The following ACAD11 variants were observed in gnomAD, a reference collection of about 807,000 sequenced individuals.
The protein encoded by ACAD11 is acyl-CoA dehydrogenase family member 11.
A neutral mutation model predicts 102.2 loss-of-function variants in ACAD11; 83 were observed. That is an observed-to-expected ratio of 0.81 (90% CI 0.68 to 0.97). The LOEUF (loss-of-function observed/expected upper bound fraction) is 0.97, where lower values mean the gene tolerates loss of function less well. Among genes scored for constraint, ACAD11 ranks in the 50% least tolerant of loss-of-function variants. ACAD11 has a pLI of 0.00. For synonymous variants in ACAD11, 324 were observed against 319.8 expected, an observed-to-expected ratio of 1.01 and a Z score of -0.14; for missense variants, 901 against 951.7, an observed-to-expected ratio of 0.95 and a Z score of 0.70.
At position 132,570,493 on chromosome 3, in the gene ACAD11, G is replaced by A. The variant is rs541843731; in HGVS notation, c.2001+5279C>T. ...ATTTTATTTTATTTTTTTTCTGATG[G>A]TAATCATATCTTTTTTATTTACTTT... is the stretch of plus-strand genomic sequence containing the variant. On this transcript the variant is annotated intron_variant, in intron 17 of 19. Transcript: ENST00000264990. Among the ~76,000 whole-genome samples, 212 of 151,954 alleles carry A rather than the reference G, an allele frequency of 1.4e-3. 1 individual carries two copies. Among genetic ancestry groups the A allele is most frequent in the African/African-American group, 5.0e-3 (206 of 41,462 alleles).
intron 13 of ACAD11, among the ~76,000 whole-genome samples, chr3:132,594,305 A>G (rs1459149941): frequency 6.6e-6 from 1 of 152,184 alleles, no homozygotes; most frequent in Non-Finnish European, 1.5e-5. Flanking sequence ...AAATAAAGGA[A>G]AGGGATAGAT....
intron 5 of ACAD11, among the ~76,000 whole-genome samples, chr3:132,638,000 T>C (rs1053004392): frequency 7.2e-5 from 11 of 152,190 alleles, no homozygotes; most frequent in Admixed American, 7.2e-4. Flanking sequence ...AACCACTGTT[T>C]AGGTTTTCGT....
chr3:132,628,765 C>T (rs1017233785), intron 7 of ACAD11, among the ~76,000 whole-genome samples: 5 of 152,116 alleles, frequency 3.3e-5, no homozygotes, highest in African/African-American at 1.2e-4. Context: ...TACCCTCCTT[C>T]ATAATGGGGG....
intron 18 of ACAD11, among the ~76,000 whole-genome samples, 179 bp from the exon 19 acceptor site, chr3:132,560,121 T>C (rs1372111495): frequency 1.3e-5 from 2 of 152,152 alleles, no homozygotes; most frequent in African/African-American, 4.8e-5. Context: ...ACAGACCCTC[T>C]GGAAAGAGAC....
chr3:132,645,970 ATTGCAACGAATCTTTT>A (rs1940700504), intron 1 of ACAD11: 1 of 150,350 alleles, frequency 6.7e-6, no homozygotes, highest in South Asian at 2.1e-4. Flanking sequence ...CAAACCATCA[ATTGCAACGAATCTTTT>A]TTTTTTTTTT....
intron 17 of ACAD11, among the ~76,000 whole-genome samples, chr3:132,566,296 C>CAAAAAAAAAAAAAAAAAAAAAAAAAAA (rs371477145): frequency 1.6e-5 from 1 of 61,886 alleles, no homozygotes; most frequent in Admixed American, 1.8e-4. Flanking sequence ...AAAACAAACT[C>CAAAAAAAAAAAAAAAAAAAAAAAAAAA]AAAAAAACAA....
chr3:132,639,441 T>C (rs1940398454), intron 5 of ACAD11, 51 bp downstream of exon 5: 2 of 1,563,488 alleles, frequency 1.3e-6, no homozygotes, highest in African/African-American at 2.7e-5. Flanking sequence ...TACTTAGTAC[T>C]GTGTCACAAA....
intron 6 of ACAD11, 119 bp downstream of exon 6, chr3:132,631,222 T>C: frequency 2.0e-6 from 1 of 500,216 alleles, no homozygotes; most frequent in East Asian, 3.7e-5. Flanking sequence ...CATAATAAAA[T>C]AGAAATGTTT....
intron 13 of ACAD11, among the ~76,000 whole-genome samples, chr3:132,585,078 T>A (rs1397147816): frequency 6.6e-6 from 1 of 152,160 alleles, no homozygotes; most frequent in Non-Finnish European, 1.5e-5. Context: ...GGCATCACGC[T>A]ACCTGACTTC....
chr3:132,639,941 T>A (rs1211354504), intron 4 of ACAD11, among the ~76,000 whole-genome samples: 1 of 151,496 alleles, frequency 6.6e-6, no homozygotes, highest in Non-Finnish European at 1.5e-5. Flanking sequence ...GCAACTACTT[T>A]GTAGAAGAAA....
chr3:132,571,121 T>G (rs1937363055), intron 17 of ACAD11, among the ~76,000 whole-genome samples: 1 of 152,158 alleles, frequency 6.6e-6, no homozygotes, highest in African/African-American at 2.4e-5. Flanking sequence ...CCACCAACAG[T>G]GTATAAGCCT....
chr3:132,619,645 GA>G, intron 9 of ACAD11, 100 bp from the exon 10 acceptor site: 1 of 607,488 alleles, frequency 1.6e-6, no homozygotes. Context: ...TTTAGGTGAA[GA>G]TGCTTTTTCA....
intron 5 of ACAD11, among the ~76,000 whole-genome samples, chr3:132,637,641 T>C (rs1014816315): frequency 6.6e-6 from 1 of 152,180 alleles, no homozygotes; most frequent in African/African-American, 2.4e-5. Flanking sequence ...ACTGGTAAAA[T>C]TTATATTTGG....
At chr3:132,657,559 T>C (rs1437649274) in intron 1 of ACAD11, among the ~76,000 whole-genome samples, 2 of 152,242 alleles carry the variant, frequency 1.3e-5, no homozygotes, top group African/African-American at 2.4e-5. Context: ...TTCAACAACA[T>C]GGCATCTCTC....
intron 4 of ACAD11, 119 bp downstream of exon 4, chr3:132,641,853 A>C: frequency 1.1e-6 from 1 of 886,456 alleles, no homozygotes; most frequent in South Asian, 2.5e-5. Context: ...CTGAAGGACA[A>C]TGTTAAAAGT....
At chr3:132,626,120 G>A (rs891349775) in intron 9 of ACAD11, among the ~76,000 whole-genome samples, 1 of 152,142 alleles carries the variant, frequency 6.6e-6, no homozygotes, top group African/African-American at 2.4e-5. Context: ...AGCCCTGTAT[G>A]TCTTATTATC....
chr3:132,630,812 C>T (rs1021431702), intron 6 of ACAD11, among the ~76,000 whole-genome samples: 6 of 152,198 alleles, frequency 3.9e-5, no homozygotes, highest in African/African-American at 1.4e-4. Context: ...CACGATGGCT[C>T]ATGCCTATAA....
Position 132,558,788 on chromosome 3 carries a change from A to T in ACAD11, c.*183T>A. On this transcript the variant is annotated 3_prime_UTR_variant, in exon 20 of 20. Coordinates refer to ENST00000264990, the MANE Select transcript of ACAD11 (RefSeq NM_032169.5). ...GCTACAGCATTTCTTACTGAACTTA[A>T]CCCTGTGTGACCCTTGAAATAATAA... 5.4e-6 allele frequency: 3 copies of T among 552,190 alleles called. No homozygotes were observed. 34.2% of individuals were successfully genotyped at this position (552,190 alleles called of 1,614,324 possible).
chr3:132,640,199 C>G (rs1940435989), intron 4 of ACAD11, among the ~76,000 whole-genome samples: 1 of 151,880 alleles, frequency 6.6e-6, no homozygotes. Context: ...AAGTGATTCT[C>G]CTGCCTCAGC....
Sources: gnomAD v4.1 joint callset for allele counts (sites outside exome capture counted in the v4.1 genomes callset) on GRCh38, gnomAD v4.1.1 for gene constraint, MANE v1.5 for transcripts, NCBI Gene and HGNC (gene_info 2026-07-23, HGNC 2026-07-21) for gene names.